The following PIP5K1B variants were observed in gnomAD, a reference collection of about 807,000 sequenced individuals.
PIP5K1B encodes phosphatidylinositol-4-phosphate 5-kinase type 1 beta.
PIP5K1B carries 42 observed loss-of-function variants against 67.0 expected under a neutral mutation model. That is an observed-to-expected ratio of 0.63 (90% confidence interval 0.49 to 0.81). The LOEUF (loss-of-function observed/expected upper bound fraction) is 0.81, where lower values mean the gene tolerates loss of function less well. PIP5K1B is among the 30% of genes least tolerant of loss of function. PIP5K1B has a pLI of 0.00. For missense variants in PIP5K1B, 459 were observed against 646.3 expected, an observed-to-expected ratio of 0.71 and a Z score of 3.14; for synonymous variants, 214 against 231.4, an observed-to-expected ratio of 0.92 and a Z score of 0.68.
chr9:68,967,173 A>G (rs534650391), intron 14 of PIP5K1B, among the ~76,000 whole-genome samples: 3 of 152,324 alleles, frequency 2.0e-5, no homozygotes, highest in Admixed American at 2.0e-4. Context: ...CTATGAATGA[A>G]TCAAGGGCAC....
In PIP5K1B at chr9:68,830,590, G is replaced by A. The variant is rs191852423; in HGVS notation, c.69+7907G>A. Among the ~76,000 whole-genome samples, 3 of 152,174 alleles carry A rather than the reference G, an allele frequency of 2.0e-5. No individual in the cohort carries two copies. The East Asian group carries it at 5.8e-4, about 29-fold the overall frequency. ...TTAACTGTAGACTCTCTGTGTTTTG[G>A]TCCCTAATACCAATAAACGTCACAT... On this transcript the variant is annotated intron_variant, in intron 4 of 15. Coordinates refer to ENST00000265382, the MANE Select transcript of PIP5K1B (RefSeq NM_003558.4).
At chr9:68,855,985 G>A (rs997624139) in intron 4 of PIP5K1B, among the ~76,000 whole-genome samples, 4 of 152,158 alleles carry the variant, frequency 2.6e-5, no homozygotes, top group Non-Finnish European at 5.9e-5. Flanking sequence ...TAGTTCTGGA[G>A]GTCAAAAGTT....
intron 8 of PIP5K1B, among the ~76,000 whole-genome samples, chr9:68,896,118 G>GTTTT (rs1321819400): frequency 3.9e-5 from 6 of 152,142 alleles, no homozygotes; most frequent in Non-Finnish European, 5.9e-5. Context: ...AGTGATGCAT[G>GTTTT]TTTTTCTATT....
chr9:68,780,638 G>T lies in PIP5K1B; in HGVS notation c.-85-37823G>T, dbSNP rs528901530. On this transcript the variant is annotated intron_variant, in intron 2 of 15. Coordinates refer to ENST00000265382, the MANE Select transcript of PIP5K1B (RefSeq NM_003558.4). ...GGGGAATTGGGAAGCAGTGTTTTTC[G>T]CCATCCTTGCAAAGTTTTGTAAGTA... is the stretch of plus-strand genomic sequence containing the variant. The T allele has an allele frequency of 4.0e-5, 64 of 1,614,096 alleles. No individual in the cohort carries two copies. The South Asian group carries it at 6.7e-4, about 17-fold the overall frequency.
chr9:68,887,274 A>G (rs1824524650), intron 6 of PIP5K1B, among the ~76,000 whole-genome samples: 1 of 152,176 alleles, frequency 6.6e-6, no homozygotes, highest in South Asian at 2.1e-4. Flanking sequence ...AGTGCCTGGG[A>G]CATAGCAGAT....
Position 68,929,210 on chromosome 9 carries a change from G to C in PIP5K1B, c.1202-5680G>C, listed in dbSNP as rs1336326373. On this transcript the variant is annotated intron_variant, in intron 12 of 15. Coordinates refer to ENST00000265382, the MANE Select transcript of PIP5K1B (RefSeq NM_003558.4). ...AAGTAAGGTGACTGCTGTATCCCCA[G>C]CACTTAATGAAGCCATGTGGGTTTG... Among the ~76,000 whole-genome samples the C allele has an allele frequency of 2.7e-5, 4 of 149,232 alleles. 1 individual carries two copies. Among genetic ancestry groups the C allele is most frequent in the Admixed American group, 2.0e-4 (3 of 14,938 alleles).
chr9:68,973,910 C>T (rs535332269), intron 14 of PIP5K1B, among the ~76,000 whole-genome samples: 2 of 152,296 alleles, frequency 1.3e-5, no homozygotes, highest in East Asian at 1.9e-4. Flanking sequence ...CAGGGTCTCA[C>T]ACTGTCACCC....
chr9:68,807,082 T>G (rs903905093), intron 2 of PIP5K1B, among the ~76,000 whole-genome samples: 1 of 152,142 alleles, frequency 6.6e-6, no homozygotes, highest in African/African-American at 2.4e-5. Flanking sequence ...TTAAAGACTT[T>G]CCCATTATTA....
intron 4 of PIP5K1B, among the ~76,000 whole-genome samples, chr9:68,848,764 T>G (rs1822325856): frequency 6.6e-6 from 1 of 152,258 alleles, no homozygotes; most frequent in African/African-American, 2.4e-5. Flanking sequence ...CCATGGGGAC[T>G]ATTTTACAAA....
intron 1 of PIP5K1B, among the ~76,000 whole-genome samples, chr9:68,726,752 T>G (rs1828165500): frequency 6.6e-6 from 1 of 152,240 alleles, no homozygotes; most frequent in Non-Finnish European, 1.5e-5. Context: ...TGTGCCATCT[T>G]GCATTCTCAT....
At chr9:68,706,764 G>A (rs1827145001) in intron 1 of PIP5K1B, among the ~76,000 whole-genome samples, 1 of 152,150 alleles carries the variant, frequency 6.6e-6, no homozygotes, top group South Asian at 2.1e-4. Flanking sequence ...CTCGTGCAAG[G>A]AAGAAGCGGT....
chr9:68,957,675 T>C (rs1202256073), intron 14 of PIP5K1B, among the ~76,000 whole-genome samples: 1 of 152,154 alleles, frequency 6.6e-6, no homozygotes, highest in Non-Finnish European at 1.5e-5. Context: ...CTTCTTTGTT[T>C]AGATTGGTCA....
intron 14 of PIP5K1B, among the ~76,000 whole-genome samples, chr9:68,987,910 T>C (rs1020154749): frequency 6.6e-6 from 1 of 152,190 alleles, no homozygotes; most frequent in Admixed American, 6.6e-5. Context: ...CACATGGGAA[T>C]TATGAGATTA....
chr9:68,909,637 T>C (rs1158974181), intron 8 of PIP5K1B, among the ~76,000 whole-genome samples: 1 of 152,230 alleles, frequency 6.6e-6, no homozygotes, highest in Non-Finnish European at 1.5e-5. Context: ...ATCTGGATTT[T>C]GCTGATTACA....
chr9:68,905,527 G>C (rs1210731592), intron 8 of PIP5K1B, among the ~76,000 whole-genome samples: 2 of 152,178 alleles, frequency 1.3e-5, no homozygotes, highest in Admixed American at 6.5e-5. Context: ...GTGAGGGACT[G>C]AGTTACAGAG....
chr9:68,945,734 G>A (rs1440615326), intron 14 of PIP5K1B, among the ~76,000 whole-genome samples: 1 of 152,156 alleles, frequency 6.6e-6, no homozygotes, highest in Non-Finnish European at 1.5e-5. Context: ...AGCAACATGA[G>A]GTAACTTTCT....
intron 14 of PIP5K1B, among the ~76,000 whole-genome samples, chr9:68,956,193 G>A (rs939235677): frequency 2.0e-5 from 3 of 152,112 alleles, no homozygotes; most frequent in Non-Finnish European, 4.4e-5. Context: ...CCTATAGGCC[G>A]GGCAAGGTGG....
intron 8 of PIP5K1B, among the ~76,000 whole-genome samples, chr9:68,910,560 G>A (rs1825802823): frequency 6.6e-6 from 1 of 152,176 alleles, no homozygotes; most frequent in Non-Finnish European, 1.5e-5. Context: ...TTCCTACTGT[G>A]TTCAGAGCAC....
chr9:68,945,657 C>A (rs902220771), intron 14 of PIP5K1B, among the ~76,000 whole-genome samples: 2 of 152,188 alleles, frequency 1.3e-5, no homozygotes, highest in Non-Finnish European at 2.9e-5. Flanking sequence ...TGATTTAATT[C>A]TCACAGCAAT....
Sources: allele counts gnomAD v4.1 joint callset (sites outside exome capture counted in the v4.1 genomes callset), GRCh38; gene constraint gnomAD v4.1.1; transcripts MANE v1.5; gene names NCBI Gene and HGNC (gene_info 2026-07-23, HGNC 2026-07-21).